Variants in ITGAV observed in about 807,000 individuals in gnomAD.
The protein encoded by ITGAV is integrin subunit alpha V.
A neutral mutation model predicts 143.8 loss-of-function variants in ITGAV; 76 were observed. That is an observed-to-expected ratio of 0.53 (90% CI 0.44 to 0.64). The LOEUF (loss-of-function observed/expected upper bound fraction) is 0.64, where lower values mean the gene tolerates loss of function less well. Among genes scored for constraint, ITGAV ranks in the 30% least tolerant of loss-of-function variants. ITGAV has a pLI of 0.00. For synonymous variants in ITGAV, 453 were observed against 446.7 expected, an observed-to-expected ratio of 1.01 and a Z score of -0.18; for missense variants, 1,193 against 1,274.7, an observed-to-expected ratio of 0.94 and a Z score of 0.98.
chr2:186,667,295 C>A (rs1367892926), intron 23 of ITGAV, 65 bp downstream of exon 23: 12 of 1,231,602 alleles, frequency 9.7e-6, no homozygotes, highest in East Asian at 4.7e-5. Flanking sequence ...AACTGTCAGG[C>A]CTTAGCCTTT....
intron 1 of ITGAV, among the ~76,000 whole-genome samples, chr2:186,598,085 A>T (rs1686795056): frequency 6.6e-6 from 1 of 152,104 alleles, no homozygotes. Flanking sequence ...TATTACTCTC[A>T]TTAGGACTAC....
At chr2:186,592,550 A>G (rs1281986403) in intron 1 of ITGAV, among the ~76,000 whole-genome samples, 1 of 150,804 alleles carries the variant, frequency 6.6e-6, no homozygotes, top group Non-Finnish European at 1.5e-5. Flanking sequence ...TGTAAGATAA[A>G]TGAGAGGCTG....
Position 186,636,206 on chromosome 2 carries a change from G to A in ITGAV, c.756G>A (p.Leu252=). The A allele has an allele frequency of 6.2e-7, 1 of 1,608,226 alleles. No individual in the cohort carries two copies. The highest frequency in any genetic ancestry group is 1.1e-5 in the South Asian group (1 of 89,702). ...TAQAIFDDSY[L]GYSVAVGDFN... The stretch of plus-strand genomic sequence containing the variant: ...AAGCTATTTTTGATGACAGCTATTT[G>A]GGTAGGTAAAACCAAAATTTACTCA... Residue 252 remains leucine (L), a splice_region_variant and synonymous_variant, in exon 7 of 30, where the codon TTG becomes TTA. Transcript: ENST00000261023.
At chr2:186,616,174 T>G (rs1355761340) in intron 2 of ITGAV, among the ~76,000 whole-genome samples, 1 of 152,130 alleles carries the variant, frequency 6.6e-6, no homozygotes, top group Non-Finnish European at 1.5e-5. Context: ...ACTAAAAGTG[T>G]CACCATTATA....
At chr2:186,620,837 GATA>G (rs374243492) in intron 2 of ITGAV, among the ~76,000 whole-genome samples, 8 of 152,210 alleles carry the variant, frequency 5.3e-5, no homozygotes, top group African/African-American at 1.9e-4. Flanking sequence ...CAATGAAAAT[GATA>G]CTATAGGTCT....
intron 18 of ITGAV, among the ~76,000 whole-genome samples, chr2:186,661,598 G>T (rs199506937): frequency 3.1e-5 from 4 of 129,934 alleles, no homozygotes; most frequent in Admixed American, 7.6e-5. Context: ...TTTTGTTTTT[G>T]TTTTTTTTTT....
At chr2:186,671,921 A>G (rs61764169) in intron 26 of ITGAV, among the ~76,000 whole-genome samples, 1,559 of 143,440 alleles carry the variant, frequency 0.011, 24 homozygotes, top group African/African-American at 0.036. Flanking sequence ...TTCAAGATCT[A>G]TGTTGTGGTG....
chr2:186,594,819 C>T (rs1037594306), intron 1 of ITGAV, among the ~76,000 whole-genome samples: 2 of 152,148 alleles, frequency 1.3e-5, no homozygotes, highest in African/African-American at 4.8e-5. Context: ...TTATAAACTT[C>T]AGAGTAGCTC....
intron 14 of ITGAV, among the ~76,000 whole-genome samples, chr2:186,650,190 C>G (rs143151146): frequency 6.6e-6 from 1 of 152,126 alleles, no homozygotes; most frequent in Non-Finnish European, 1.5e-5. Context: ...ATTCAGAATC[C>G]TGTCTTCCAG....
At chr2:186,600,609 T>TAGC (rs1449920461) in intron 1 of ITGAV, among the ~76,000 whole-genome samples, 3 of 152,162 alleles carry the variant, frequency 2.0e-5, no homozygotes, top group Non-Finnish European at 4.4e-5. Context: ...TAATAGTAAT[T>TAGC]TATTTATTGG....
intron 5 of ITGAV, among the ~76,000 whole-genome samples, chr2:186,631,194 T>C (rs867285404): frequency 5.9e-5 from 9 of 152,162 alleles, no homozygotes; most frequent in Admixed American, 2.0e-4. Flanking sequence ...CTATTTTTAA[T>C]TAAAGTTGTT....
intron 14 of ITGAV, among the ~76,000 whole-genome samples, chr2:186,651,056 A>G (rs189628639): frequency 5.2e-4 from 79 of 152,276 alleles, no homozygotes; most frequent in African/African-American, 1.8e-3. Flanking sequence ...ATATATTTCT[A>G]TTTCCCAATT....
chr2:186,639,482 C>G (rs189734729), intron 10 of ITGAV, among the ~76,000 whole-genome samples: 1 of 152,084 alleles, frequency 6.6e-6, no homozygotes, highest in African/African-American at 2.4e-5. Context: ...CCCTTTGTTC[C>G]GTTTTGACTT....
intron 18 of ITGAV, among the ~76,000 whole-genome samples, chr2:186,662,060 T>C (rs1253935248): frequency 2.0e-5 from 3 of 152,172 alleles, no homozygotes; most frequent in East Asian, 1.9e-4. Context: ...GTCCTTTTTT[T>C]CCCCTATAGA....
chr2:186,636,986 T>C, intron 7 of ITGAV, 79 bp from the exon 8 acceptor site: 1 of 1,170,722 alleles, frequency 8.5e-7, no homozygotes, highest in Non-Finnish European at 1.3e-6. Flanking sequence ...GAAAATATTT[T>C]CAAGGAATGC....
In ITGAV at chr2:186,654,630, T is replaced by A; in HGVS notation, c.1506-20T>A. The A allele has an allele frequency of 7.6e-7, 1 of 1,320,416 alleles. No homozygotes were observed. Among genetic ancestry groups the A allele is most frequent in the Non-Finnish European group, 1.1e-6 (1 of 928,162 alleles). 81.8% of individuals were successfully genotyped at this position (1,320,416 alleles called of 1,614,324 possible). On this transcript the variant is annotated intron_variant, in intron 15 of 29. Transcript: ENST00000261023. ...TAAACTGAATTATAGAATTTATGTA[T>A]GTTTTTTATTTTTCCACAGTTTTAA...
intron 2 of ITGAV, among the ~76,000 whole-genome samples, chr2:186,610,948 C>T (rs774500948): frequency 3.9e-5 from 6 of 152,116 alleles, no homozygotes; most frequent in Non-Finnish European, 7.3e-5. Flanking sequence ...TTGCTATTGT[C>T]GTAAGTTACC....
At chr2:186,675,559 T>C (rs1203294506) in intron 26 of ITGAV, 45 bp from the exon 27 acceptor site, 4 of 1,434,444 alleles carry the variant, frequency 2.8e-6, no homozygotes, top group Non-Finnish European at 3.9e-6. Context: ...GTTGAAGAGA[T>C]GATAGAATGA....
chr2:186,665,505 G>T lies in ITGAV; in HGVS notation c.2166+287G>T, dbSNP rs61763152. Among the ~76,000 whole-genome samples the T allele has an allele frequency of 5.3e-3, 807 of 152,196 alleles. 8 individuals are homozygous for T. Among genetic ancestry groups the T allele is most frequent in the African/African-American group, 0.019 (781 of 41,522 alleles). On this transcript the variant is annotated intron_variant, in intron 21 of 29. Coordinates refer to ENST00000261023, the MANE Select transcript of ITGAV (RefSeq NM_002210.5). The stretch of plus-strand genomic sequence containing the variant: ...ACTAAGGACTGAAATAATAATTTTT[G>T]CTATTTTACACTGATGCCTTAATGG...
Sources: gnomAD v4.1 joint callset for allele counts (sites outside exome capture counted in the v4.1 genomes callset) on GRCh38, gnomAD v4.1.1 for gene constraint, MANE v1.5 for transcripts, NCBI Gene and HGNC (gene_info 2026-07-23, HGNC 2026-07-21) for gene names.